Variants in STPG2 observed in about 807,000 individuals in gnomAD.
STPG2 encodes the protein sperm tail PG-rich repeat containing 2, also known as sperm-tail PG-rich repeat-containing protein 2.
Under a neutral mutation model 54.2 loss-of-function variants are expected in STPG2, and 56 were observed. The ratio of observed to expected loss-of-function variants is 1.03; its 90% confidence interval spans 0.83 to 1.29. STPG2 has a LOEUF of 1.29. Among genes scored for constraint, STPG2 ranks in the 50% most tolerant of loss-of-function variants. The probability of loss-of-function intolerance (pLI) is 0.00; values close to 1 mark genes in which losing one functional copy is unlikely to be tolerated. For missense variants in STPG2, 596 were observed against 544.9 expected, an observed-to-expected ratio of 1.09 and a Z score of -0.93; for synonymous variants, 200 against 181.8, an observed-to-expected ratio of 1.10 and a Z score of -0.81.
intron 5 of STPG2, among the ~76,000 whole-genome samples, chr4:98,071,890 TA>T (rs780286829): frequency 4.6e-5 from 7 of 151,988 alleles, no homozygotes; most frequent in Non-Finnish European, 7.4e-5. Context: ...TGGCAATCAT[TA>T]AAAAGTCAAA....
At chr4:97,479,117 T>C (rs1177860572) in intron 4 of STPG2, among the ~76,000 whole-genome samples, 1 of 151,892 alleles carries the variant, frequency 6.6e-6, no homozygotes, top group Non-Finnish European at 1.5e-5. Context: ...TAGCAGAATA[T>C]GTGTGTGGTT....
intron 5 of STPG2, among the ~76,000 whole-genome samples, chr4:98,101,258 T>A (rs980321426): frequency 6.6e-6 from 1 of 151,994 alleles, no homozygotes; most frequent in Non-Finnish European, 1.5e-5. Context: ...TTTCCAGAAA[T>A]CATAAAAAGT....
intron 9 of STPG2, among the ~76,000 whole-genome samples, chr4:97,747,349 A>G (rs1332530645): frequency 6.6e-6 from 1 of 151,426 alleles, no homozygotes; most frequent in Non-Finnish European, 1.5e-5. Flanking sequence ...CACAATTATG[A>G]ATAGTGGCAA....
At chr4:97,477,643 AT>A (rs561080941) in intron 4 of STPG2, among the ~76,000 whole-genome samples, 14,475 of 141,050 alleles carry the variant, frequency 0.1, 899 homozygotes, top group African/African-American at 0.2. Flanking sequence ...TGCCCGGCTA[AT>A]TTTTTTTTTT....
intron 7 of STPG2, among the ~76,000 whole-genome samples, chr4:97,956,418 G>A (rs1469884980): frequency 6.6e-6 from 1 of 152,126 alleles, no homozygotes; most frequent in East Asian, 1.9e-4. Flanking sequence ...ATGGCAGACA[G>A]GAGGCAGAAC....
In STPG2 at chr4:97,638,700, T is replaced by G. The variant is rs1420802966; in HGVS notation, c.1320+73999A>C. On this transcript the variant is annotated intron_variant, in intron 10 of 10. Coordinates refer to ENST00000295268, the MANE Select transcript of STPG2 (RefSeq NM_174952.3). ...GTGGGCGAAGGACATGAACAGACACTTCTCAAAAGAAGACATTTATGCAGC... is the reference window on the plus strand; with the variant it reads ...GTGGGCGAAGGACATGAACAGACACGTCTCAAAAGAAGACATTTATGCAGC... 8.2e-5 allele frequency among the ~76,000 whole-genome samples: 12 copies of G among 145,638 alleles called. No homozygotes were observed. The South Asian group carries it at 2.7e-3, about 32-fold the overall frequency.
chr4:98,063,617 G>A (rs1737732367), intron 5 of STPG2, among the ~76,000 whole-genome samples: 2 of 151,830 alleles, frequency 1.3e-5, no homozygotes, highest in South Asian at 4.1e-4. Flanking sequence ...TTTAAAGCAG[G>A]AAAAAGAAAA....
intron 5 of STPG2, among the ~76,000 whole-genome samples, chr4:98,038,766 T>G (rs1736853301): frequency 6.6e-6 from 1 of 151,908 alleles, no homozygotes; most frequent in East Asian, 1.9e-4. Flanking sequence ...AGCCAAGGAT[T>G]AGAAAATATT....
chr4:97,627,556 T>C (rs574198598), intron 10 of STPG2, among the ~76,000 whole-genome samples: 4 of 152,208 alleles, frequency 2.6e-5, no homozygotes, highest in African/African-American at 9.6e-5. Context: ...GTACAAAATG[T>C]AGAGTATCTT....
Position 97,722,402 on chromosome 4 carries a change from A to G in STPG2, c.1205-9588T>C, listed in dbSNP as rs79810159. On this transcript the variant is annotated intron_variant, in intron 9 of 10. Transcript: ENST00000295268. ...TGAATTTATCCTTTCCTTAAAAATG[A>G]CTGGATAATTGTAACTCCAGTCTTT... is the stretch of plus-strand genomic sequence containing the variant. Among the ~76,000 whole-genome samples, 48 of 152,224 alleles carry G rather than the reference A, an allele frequency of 3.2e-4. No homozygotes were observed. The East Asian group carries it at 8.3e-3, about 26-fold the overall frequency.
intron 4 of STPG2, among the ~76,000 whole-genome samples, chr4:97,474,935 C>T (rs1730034383): frequency 6.6e-6 from 1 of 151,898 alleles, no homozygotes. Context: ...AATTCTTTAA[C>T]ATGCTAGTTT....
intron 10 of STPG2, among the ~76,000 whole-genome samples, chr4:97,668,650 AAGG>A (rs1722599779): frequency 6.7e-6 from 1 of 148,530 alleles, no homozygotes; most frequent in Non-Finnish European, 1.5e-5. Context: ...AGAAGGAAGA[AAGG>A]AGGAAGGAAA....
At chr4:97,913,448 T>C (rs1344277803) in intron 8 of STPG2, among the ~76,000 whole-genome samples, 1 of 152,192 alleles carries the variant, frequency 6.6e-6, no homozygotes, top group Non-Finnish European at 1.5e-5. Flanking sequence ...GAGACAAGTA[T>C]GAATATGTCT....
intron 8 of STPG2, among the ~76,000 whole-genome samples, chr4:97,851,434 G>T (rs1393275885): frequency 6.6e-6 from 1 of 152,146 alleles, no homozygotes; most frequent in Non-Finnish European, 1.5e-5. Flanking sequence ...TGCCTTGAAA[G>T]TATTTTCAAC....
At chr4:97,673,198 T>C (rs1266422953) in intron 10 of STPG2, among the ~76,000 whole-genome samples, 2 of 152,234 alleles carry the variant, frequency 1.3e-5, no homozygotes, top group African/African-American at 4.8e-5. Flanking sequence ...CAATGTCAGT[T>C]GATGTTACAA....
intron 4 of STPG2, among the ~76,000 whole-genome samples, chr4:97,478,159 A>G (rs1730125415): frequency 2.6e-5 from 4 of 152,304 alleles, no homozygotes; most frequent in Admixed American, 1.3e-4. Context: ...TGAAACATGG[A>G]TTGATTTTGG....
intron 5 of STPG2, among the ~76,000 whole-genome samples, chr4:98,031,117 C>T (rs1736583115): frequency 6.6e-6 from 1 of 152,036 alleles, no homozygotes; most frequent in South Asian, 2.1e-4. Context: ...TACTTAAAGC[C>T]AACTGATATT....
At chr4:97,830,941 A>AC (rs1728436111) in intron 9 of STPG2, among the ~76,000 whole-genome samples, 1 of 152,108 alleles carries the variant, frequency 6.6e-6, no homozygotes, top group African/African-American at 2.4e-5. Flanking sequence ...TTAACACCCC[A>AC]CTGTCAATAT....
chr4:98,053,533 TAAC>T (rs35291643), intron 5 of STPG2, among the ~76,000 whole-genome samples: 59,497 of 151,182 alleles, frequency 0.39, 11,833 homozygotes, highest in Middle Eastern at 0.46. Context: ...TAAAAGCAAA[TAAC>T]AAAAAAAAAA....
Sources: allele counts gnomAD v4.1 joint callset (sites outside exome capture counted in the v4.1 genomes callset), GRCh38; gene constraint gnomAD v4.1.1; transcripts MANE v1.5; gene names NCBI Gene and HGNC (gene_info 2026-07-23, HGNC 2026-07-21).